Variants in DSCAM observed in about 807,000 individuals in gnomAD.
DSCAM encodes the protein cell adhesion molecule DSCAM.
Under a neutral mutation model 217.7 loss-of-function variants are expected in DSCAM, and 47 were observed. That is an observed-to-expected ratio of 0.22 (90% confidence interval 0.17 to 0.28). The LOEUF (loss-of-function observed/expected upper bound fraction) is 0.28. Among genes scored for constraint, DSCAM ranks in the 10% least tolerant of loss-of-function variants. DSCAM has a pLI of 1.00. For missense variants in DSCAM, 2,080 were observed against 2,618.3 expected (o/e 0.79, Z 4.49); for synonymous variants, 1,056 against 1,015.3 (o/e 1.04, Z -0.76).
intron 3 of DSCAM, among the ~76,000 whole-genome samples, chr21:40,591,525 T>C (rs191692660): frequency 6.6e-6 from 1 of 152,162 alleles, no homozygotes; most frequent in Non-Finnish European, 1.5e-5. Context: ...TGACAGACAT[T>C]TGAAACAGAT....
intron 1 of DSCAM, among the ~76,000 whole-genome samples, chr21:40,723,900 C>T (rs1281109065): frequency 6.6e-6 from 1 of 152,086 alleles, no homozygotes; most frequent in Non-Finnish European, 1.5e-5. Flanking sequence ...AGGAAAAAGC[C>T]TGATTTTTGC....
intron 32 of DSCAM, among the ~76,000 whole-genome samples, chr21:40,027,327 A>T (rs1159824366): frequency 6.6e-6 from 1 of 152,178 alleles, no homozygotes; most frequent in African/African-American, 2.4e-5. Context: ...CTTCATTTCA[A>T]CTTTGGTGAA....
intron 3 of DSCAM, among the ~76,000 whole-genome samples, chr21:40,628,723 AT>A (rs2089638675): frequency 7.0e-6 from 1 of 143,020 alleles, no homozygotes; most frequent in Non-Finnish European, 1.5e-5. Context: ...CTATCTATCT[AT>A]CTATCTATCT....
chr21:40,738,088 A>C (rs1076570), intron 1 of DSCAM, among the ~76,000 whole-genome samples: 122,199 of 152,104 alleles, frequency 0.8, 49,470 homozygotes, highest in African/African-American at 0.89. Context: ...AGTCTTGGCA[A>C]AGAGAAGGGT....
At chr21:40,203,385 T>A (rs2091091285) in intron 11 of DSCAM, among the ~76,000 whole-genome samples, 1 of 152,232 alleles carries the variant, frequency 6.6e-6, no homozygotes, top group Admixed American at 6.5e-5. Flanking sequence ...ATGCTAGAAA[T>A]GCACACTCTG....
chr21:40,321,757 G>C (rs895947638), intron 8 of DSCAM, among the ~76,000 whole-genome samples: 3 of 151,954 alleles, frequency 2.0e-5, no homozygotes, highest in African/African-American at 7.3e-5. Flanking sequence ...AACTCTCCGA[G>C]GCCTGGTCCT....
rs183298463 is a variant in DSCAM, at chr21:40,466,502, T to C, written c.509-97257A>G. Among the ~76,000 whole-genome samples the C allele has an allele frequency of 2.1e-3, 324 of 152,328 alleles. 3 individuals carry two copies. The highest frequency in any genetic ancestry group is 6.9e-3 in the African/African-American group (287 of 41,576). ...CTCCCTGCTTGAGTACTCACAGTGA[T>C]GGGCAACTCACTGCTTATCAAGGCA... On this transcript the variant is annotated intron_variant, in intron 3 of 32. Transcript: ENST00000400454.
intron 3 of DSCAM, among the ~76,000 whole-genome samples, chr21:40,481,436 A>G (rs560830845): frequency 6.7e-6 from 1 of 149,124 alleles, no homozygotes; most frequent in African/African-American, 2.5e-5. Context: ...CTTGCAGAGA[A>G]TGGCGTGAAC....
chr21:40,462,159 G>A (rs2145950482), intron 3 of DSCAM, among the ~76,000 whole-genome samples: 1 of 152,288 alleles, frequency 6.6e-6, no homozygotes, highest in African/African-American at 2.4e-5. Flanking sequence ...CTTCCTGCAA[G>A]TTCAGATAAG....
chr21:40,716,380 A>ATG lies in DSCAM; in HGVS notation c.44-7611_44-7610dup, dbSNP rs35141387. On this transcript the variant is annotated intron_variant, in intron 1 of 32. Coordinates refer to ENST00000400454, the MANE Select transcript of DSCAM (RefSeq NM_001389.5). ...GGCAGAGGCAACCTTAATGTGAATT[A>ATG]TGTGTGTGTGTGTGTGTGTGAAAGT... is the stretch of plus-strand genomic sequence containing the variant. 8.7e-3 allele frequency among the ~76,000 whole-genome samples: 1,316 copies of ATG among 150,754 alleles called. 9 individuals are homozygous for ATG. The highest frequency in any genetic ancestry group is 0.024 in the East Asian group (122 of 5,130).
chr21:40,198,952 C>T (rs1288773462), intron 11 of DSCAM, among the ~76,000 whole-genome samples: 3 of 152,192 alleles, frequency 2.0e-5, no homozygotes, highest in Non-Finnish European at 4.4e-5. Context: ...CAGGACAGTA[C>T]TCCACTTCCT....
At chr21:40,115,334 A>G (rs2089956965) in intron 20 of DSCAM, among the ~76,000 whole-genome samples, 1 of 152,130 alleles carries the variant, frequency 6.6e-6, no homozygotes, top group Non-Finnish European at 1.5e-5. Context: ...AAACGCCGCA[A>G]GTTCTCACTC....
intron 3 of DSCAM, among the ~76,000 whole-genome samples, chr21:40,505,223 G>A (rs897021728): frequency 2.6e-5 from 4 of 152,214 alleles, no homozygotes; most frequent in Non-Finnish European, 4.4e-5. Flanking sequence ...CTCAAACCGT[G>A]ACAGGCAGCT....
At chr21:40,572,083 T>G (rs1452373659) in intron 3 of DSCAM, among the ~76,000 whole-genome samples, 2 of 73,594 alleles carry the variant, frequency 2.7e-5, no homozygotes, top group African/African-American at 5.7e-5. Flanking sequence ...TGTGTGTGTG[T>G]GGGTGTGTGT....
intron 3 of DSCAM, among the ~76,000 whole-genome samples, chr21:40,507,421 C>T (rs1601700004): frequency 2.6e-5 from 4 of 152,282 alleles, no homozygotes. Flanking sequence ...GCATTTACAA[C>T]TTTACATACA....
intron 3 of DSCAM, among the ~76,000 whole-genome samples, chr21:40,504,419 C>A (rs1331511017): frequency 2.0e-5 from 3 of 152,138 alleles, no homozygotes; most frequent in Non-Finnish European, 4.4e-5. Flanking sequence ...CCTGCCTCAG[C>A]CCTCCCTCGG....
chr21:40,575,117 G>A (rs2076838693), intron 3 of DSCAM, among the ~76,000 whole-genome samples: 1 of 151,922 alleles, frequency 6.6e-6, no homozygotes, highest in African/African-American at 2.4e-5. Context: ...AGTGAAAATG[G>A]CCAGTCCTTG....
intron 20 of DSCAM, among the ~76,000 whole-genome samples, chr21:40,117,627 T>C (rs966165025): frequency 5.3e-5 from 8 of 152,280 alleles, no homozygotes; most frequent in East Asian, 3.9e-4. Context: ...AACATGACAA[T>C]CACTTTAAAA....
At chr21:40,018,081 T>C (rs2088196845) in intron 32 of DSCAM, among the ~76,000 whole-genome samples, 1 of 152,224 alleles carries the variant, frequency 6.6e-6, no homozygotes. Flanking sequence ...TGAAAATTAC[T>C]AATGTTCGTT....
Sources: gnomAD v4.1 joint callset for allele counts (sites outside exome capture counted in the v4.1 genomes callset) on GRCh38, gnomAD v4.1.1 for gene constraint, MANE v1.5 for transcripts, NCBI Gene and HGNC (gene_info 2026-07-23, HGNC 2026-07-21) for gene names.